CNOT2: variants seen among roughly 807,000 people sequenced by gnomAD.
The protein encoded by CNOT2 is CCR4-NOT transcription complex subunit 2.
In CNOT2, 7 loss-of-function variants were observed where a neutral mutation model predicts 72.1. That is an observed-to-expected ratio of 0.10 (90% confidence interval 0.06 to 0.18). CNOT2 has a LOEUF of 0.18. Ranked by LOEUF, CNOT2 falls within the 10% of genes least tolerant of loss-of-function variation. The probability of loss-of-function intolerance (pLI) is 1.00; values close to 1 mark genes in which losing one functional copy is unlikely to be tolerated. For missense variants in CNOT2, 345 were observed against 660.3 expected, an observed-to-expected ratio of 0.52 and a Z score of 5.23; for synonymous variants, 196 against 225.6, an observed-to-expected ratio of 0.87 and a Z score of 1.17.
At chr12:70,270,134 A>G (rs969796381) in intron 1 of CNOT2, among the ~76,000 whole-genome samples, 1 of 152,174 alleles carries the variant, frequency 6.6e-6, no homozygotes, top group Non-Finnish European at 1.5e-5. Context: ...ATTAGTATCA[A>G]TGATTTTTGA....
chr12:70,321,992 A>G (rs1878375707), intron 4 of CNOT2: 1 of 151,764 alleles, frequency 6.6e-6, no homozygotes, highest in African/African-American at 2.4e-5. Context: ...AATTCACGTG[A>G]ATACTGTACA....
chr12:70,334,657 T>G (rs554819357), intron 7 of CNOT2: 1 of 152,196 alleles, frequency 6.6e-6, no homozygotes, highest in African/African-American at 2.4e-5. Context: ...TTGAGATGAT[T>G]AAAATAGACA....
At chr12:70,255,942 A>G (rs1251904520) in intron 1 of CNOT2, among the ~76,000 whole-genome samples, 1 of 152,184 alleles carries the variant, frequency 6.6e-6, no homozygotes, top group Non-Finnish European at 1.5e-5. Context: ...TAGTTTAAAT[A>G]ATGATTGTCA....
chr12:70,303,438 C>G (rs1009728645), intron 2 of CNOT2, among the ~76,000 whole-genome samples: 2 of 152,116 alleles, frequency 1.3e-5, no homozygotes, highest in Non-Finnish European at 2.9e-5. Context: ...TCAGCATTTG[C>G]TTGTCTGTAA....
At chr12:70,273,356 T>TC (rs1402169559) in intron 1 of CNOT2, among the ~76,000 whole-genome samples, 2 of 152,174 alleles carry the variant, frequency 1.3e-5, no homozygotes, top group African/African-American at 4.8e-5. Context: ...TTGATTACAT[T>TC]CTTCCTTGAA....
chr12:70,265,273 T>TTCTTCTCTTCTCTCCTCTCC (rs1555188153), intron 1 of CNOT2, among the ~76,000 whole-genome samples: 1 of 125,382 alleles, frequency 8.0e-6, no homozygotes, highest in African/African-American at 2.8e-5. Context: ...TTCGTTTTGT[T>TTCTTCTCTTCTCTCCTCTCC]TCTTCTCTTC....
intron 1 of CNOT2, among the ~76,000 whole-genome samples, chr12:70,271,375 CTTTTT>C (rs11285130): frequency 3.4e-5 from 3 of 89,478 alleles, no homozygotes; most frequent in Admixed American, 1.3e-4. Context: ...ATCACATTTC[CTTTTT>C]TTTTTTTTTT....
intron 3 of CNOT2, among the ~76,000 whole-genome samples, chr12:70,314,751 C>G (rs926841288): frequency 3.9e-5 from 6 of 151,982 alleles, no homozygotes; most frequent in Non-Finnish European, 8.8e-5. Flanking sequence ...CATCAGTTAC[C>G]TGATTTGTAA....
intron 4 of CNOT2, among the ~76,000 whole-genome samples, chr12:70,321,338 C>T (rs1304798412): frequency 6.6e-6 from 1 of 151,814 alleles, no homozygotes; most frequent in Non-Finnish European, 1.5e-5. Context: ...CAATTTCTAT[C>T]TGTTAGGACA....
In CNOT2 at chr12:70,288,166, G is replaced by A. The variant is rs188070014; in HGVS notation, c.48+9892G>A. ...TTTTTTTTTTTTTTTTTTTTGAAACGGAGTTTCGCTCTTGTTGCCTAGGCT... is the reference window on the plus strand; with the variant it reads ...TTTTTTTTTTTTTTTTTTTTGAAACAGAGTTTCGCTCTTGTTGCCTAGGCT... On this transcript the variant is annotated intron_variant, in intron 2 of 15. Coordinates refer to ENST00000229195, the MANE Select transcript of CNOT2 (RefSeq NM_014515.7). Among the ~76,000 whole-genome samples, 641 of 101,798 alleles carry A rather than the reference G, an allele frequency of 6.3e-3. 16 individuals are homozygous for A. Among genetic ancestry groups the A allele is most frequent in the Middle Eastern group, 0.017 (2 of 120 alleles). The allele number at this position is 101,798 out of a possible 152,430, so 66.8% of individuals were successfully genotyped here. A position where few individuals can be genotyped will look rare whatever the true frequency, so the allele number is the denominator to read the frequency against.
chr12:70,246,114 G>A (rs76492163), intron 1 of CNOT2, among the ~76,000 whole-genome samples: 14,529 of 152,208 alleles, frequency 0.095, 897 homozygotes, highest in Middle Eastern at 0.18. Context: ...TGCTTCACAT[G>A]TATATATGAA....
At chr12:70,322,051 G>C (rs546057272) in intron 4 of CNOT2, 1 of 151,898 alleles carries the variant, frequency 6.6e-6, no homozygotes, top group South Asian at 2.1e-4. Flanking sequence ...TATTCAAGTT[G>C]CATAATGTTT....
At chr12:70,245,222 TC>T (rs1387599820) in intron 1 of CNOT2, among the ~76,000 whole-genome samples, 1 of 152,176 alleles carries the variant, frequency 6.6e-6, no homozygotes, top group African/African-American at 2.4e-5. Context: ...AGTTTGTAGT[TC>T]TATTATAATG....
intron 3 of CNOT2, among the ~76,000 whole-genome samples, chr12:70,312,789 T>C (rs954188096): frequency 6.6e-6 from 1 of 151,972 alleles, no homozygotes; most frequent in African/African-American, 2.4e-5. Context: ...AGTAATAATA[T>C]ATTGGCTACC....
At chr12:70,295,622 T>C (rs1872689078) in intron 2 of CNOT2, among the ~76,000 whole-genome samples, 1 of 152,190 alleles carries the variant, frequency 6.6e-6, no homozygotes. Context: ...TTTATAGTTT[T>C]ACATCCTAAT....
chr12:70,278,555 ACTG>A (rs1250759761), intron 2 of CNOT2: 1 of 338,882 alleles, frequency 3.0e-6, no homozygotes, highest in Non-Finnish European at 5.4e-6. Context: ...TGACTTCATG[ACTG>A]AATTCAAAAT....
At chr12:70,254,289 T>C (rs1958309706) in intron 1 of CNOT2, among the ~76,000 whole-genome samples, 1 of 151,730 alleles carries the variant, frequency 6.6e-6, no homozygotes, top group African/African-American at 2.4e-5. Flanking sequence ...TAAATGAATG[T>C]GATCTCTCTC....
chr12:70,297,597 C>G, intron 2 of CNOT2, among the ~76,000 whole-genome samples: 1 of 152,234 alleles, frequency 6.6e-6, no homozygotes, highest in East Asian at 1.9e-4. Context: ...TTATAATTAT[C>G]CTAATTCCTT....
intron 2 of CNOT2, among the ~76,000 whole-genome samples, chr12:70,299,455 T>A (rs1464816362): frequency 1.4e-5 from 2 of 145,504 alleles, no homozygotes; most frequent in East Asian, 4.3e-4. Context: ...TTCCCACCTA[T>A]GAGTGAGAAC....
Sources: allele counts gnomAD v4.1 joint callset (sites outside exome capture counted in the v4.1 genomes callset), GRCh38; gene constraint gnomAD v4.1.1; transcripts MANE v1.5; gene names NCBI Gene and HGNC (gene_info 2026-07-23, HGNC 2026-07-21).